The following PLXND1 variants were observed in gnomAD, a reference collection of about 807,000 sequenced individuals.
The protein encoded by PLXND1 is plexin D1.
Under a neutral mutation model 197.7 loss-of-function variants are expected in PLXND1, and 54 were observed. The ratio of observed to expected loss-of-function variants is 0.27; its 90% CI spans 0.22 to 0.34. The LOEUF (loss-of-function observed/expected upper bound fraction) is 0.34. Among genes scored for constraint, PLXND1 ranks in the 10% least tolerant of loss-of-function variants. PLXND1 has a pLI of 1.00. For synonymous variants in PLXND1, 1,180 were observed against 1,161.2 expected (o/e 1.02, Z -0.33); for missense variants, 2,127 against 2,699.2 (o/e 0.79, Z 4.70).
In PLXND1 at chr3:129,563,246, G is replaced by C. The variant is rs1483375156; in HGVS notation, c.4522-6C>G. ...AATGGCTCCCCCACCGTCTCCTGAG[G>C]GGCACGGGGGTATCAGGGCCAAGGC... On this transcript the variant is annotated splice_polypyrimidine_tract_variant and splice_region_variant and intron_variant, in intron 25 of 35. Transcript: ENST00000324093. The C allele has an allele frequency of 6.2e-7, 1 of 1,605,188 alleles. No homozygotes were observed. The highest frequency in any genetic ancestry group is 1.3e-5 in the African/African-American group (1 of 74,576).
chr3:129,565,600 T>C, intron 24 of PLXND1, 62 bp from the exon 25 acceptor site: 1 of 1,412,074 alleles, frequency 7.1e-7, no homozygotes, highest in East Asian at 2.4e-5. Flanking sequence ...GGTCCCAGGG[T>C]CTCAGTGCCG....
At chr3:129,569,763 C>A in intron 20 of PLXND1, 80 bp downstream of exon 20, 1 of 793,432 alleles carries the variant, frequency 1.3e-6, no homozygotes. Flanking sequence ...CCTGCCTTCT[C>A]CCATCTGCCA....
chr3:129,559,711 C>T lies in PLXND1; in HGVS notation c.5206G>A (p.Ala1736Thr). The T allele has an allele frequency of 6.2e-7, 1 of 1,613,206 alleles. No homozygotes were observed. The highest frequency in any genetic ancestry group is 1.1e-5 in the South Asian group (1 of 90,988). The part of the protein sequence containing the change: ...LSIREDKPPL[A>T]VKYFFDFLEE... ...AGGAAGTCGAAAAAGTACTTGACAG[C>T]CAGTGGGGGCTTGTCTTCACGGATA... Residue 1736 changes from alanine to threonine, a missense_variant, in exon 32 of 36, where the codon GCT becomes ACT. This residue lies in a region of PLXND1 where 200 missense variants were observed against 303.3 expected (regional missense o/e 0.66). Coordinates refer to ENST00000324093, the MANE Select transcript of PLXND1 (RefSeq NM_015103.3).
Position 129,571,100 on chromosome 3 carries a change from C to T in PLXND1, c.3540G>A (p.Thr1180=), listed in dbSNP as rs760997551. 9 of 1,614,064 alleles carry T rather than the reference C, an allele frequency of 5.6e-6. No homozygotes were observed. The highest frequency in any genetic ancestry group is 4.4e-5 in the South Asian group (4 of 91,084). Residue 1180 remains threonine (T), a synonymous_variant, in exon 18 of 36, where the codon ACG becomes ACA. Coordinates refer to ENST00000324093, the MANE Select transcript of PLXND1 (RefSeq NM_015103.3). ...LDYLPNPQFS[T]AKREKWIKHH... is the part of the protein sequence containing the mutation. Reference sequence around the variant, plus strand: ...GCTTGATCCACTTCTCCCTCTTGGCCGTAGAGAACTGTGGGTTGGGGAGGT... The same window carrying T: ...GCTTGATCCACTTCTCCCTCTTGGCTGTAGAGAACTGTGGGTTGGGGAGGT...
At position 129,571,268 on chromosome 3, in the gene PLXND1, G is replaced by A; in HGVS notation, c.3372C>T (p.Cys1124=). The change falls in exon 18 of 36, where the codon TGC becomes TGT. Residue 1124 remains cysteine, a synonymous_variant. Coordinates refer to ENST00000324093, the MANE Select transcript of PLXND1 (RefSeq NM_015103.3). ...CGTTGCTCAGGGCCCCGGGGGACGG[G>A]CAGGTGATGAGGGTGGAGTTGAGAA... ...CKVLNSTLIT[C]PSPGALSNAS... is the part of the protein sequence containing the mutation. 1 of 1,613,814 alleles carries A rather than the reference G, an allele frequency of 6.2e-7. No individual in the cohort carries two copies. Among genetic ancestry groups the A allele is most frequent in the Non-Finnish European group, 8.5e-7 (1 of 1,179,854 alleles).
intron 1 of PLXND1, among the ~76,000 whole-genome samples, chr3:129,595,121 A>G (rs1450204875): frequency 6.7e-6 from 1 of 149,284 alleles, no homozygotes; most frequent in African/African-American, 2.6e-5. Context: ...GCACGGGCTC[A>G]GTGGTGGCCT....
intron 1 of PLXND1, among the ~76,000 whole-genome samples, chr3:129,590,057 C>A (rs1398897151): frequency 6.6e-6 from 1 of 152,186 alleles, no homozygotes; most frequent in Admixed American, 6.5e-5. Context: ...TCTGCTCTGA[C>A]CCTAGGACCA....
intron 2 of PLXND1, 44 bp downstream of exon 2, chr3:129,589,307 G>GCCGGGCCCCCCC: frequency 1.3e-5 from 9 of 684,690 alleles, no homozygotes; most frequent in East Asian, 3.6e-5. Context: ...TCCCAGGGGA[G>GCCGGGCCCCCCC]CCTCCCACCC....
Position 129,589,401 on chromosome 3 carries a change from T to C in PLXND1, c.1438A>G (p.Asn480Asp). ...CCCAGGAAGACCGCTGTGTAGTTGT[T>C]GACGCTGGCCACGGCCACGGAGGTG... is the stretch of plus-strand genomic sequence containing the variant. ...GLTSVAVASV[N>D]NYTAVFLGTV... The change falls in exon 2 of 36, where the codon AAC becomes GAC. Residue 480 changes from asparagine (N) to aspartate (D), a missense_variant. Physicochemically the swap from Asn to Asp is conservative, Grantham distance 23. This residue lies in a region of PLXND1 where 1,095 missense variants were observed against 1,259.8 expected (regional missense o/e 0.87). Coordinates refer to ENST00000324093, the MANE Select transcript of PLXND1 (RefSeq NM_015103.3). 2 of 1,610,994 alleles carry C rather than the reference T, an allele frequency of 1.2e-6. No individual in the cohort carries two copies. The highest frequency in any genetic ancestry group is 1.7e-6 in the Non-Finnish European group (2 of 1,179,094).
At chr3:129,584,683 G>A (rs939021523) in intron 5 of PLXND1, 121 bp from the exon 6 acceptor site, 12 of 926,902 alleles carry the variant, frequency 1.3e-5, no homozygotes, top group Non-Finnish European at 1.9e-5. Flanking sequence ...AAGGGGTAGT[G>A]GTGGCCAGGA....
intron 27 of PLXND1, 54 bp downstream of exon 27, chr3:129,562,733 G>A (rs780760564): frequency 2.4e-5 from 36 of 1,529,976 alleles, no homozygotes; most frequent in Non-Finnish European, 3.0e-5. Context: ...CAAGGCAGGG[G>A]CCAGCCCCGG....
chr3:129,597,932 C>T (rs1166979118), intron 1 of PLXND1, among the ~76,000 whole-genome samples: 1 of 152,216 alleles, frequency 6.6e-6, no homozygotes, highest in African/African-American at 2.4e-5. Context: ...TCGGGAGTTA[C>T]CTGGTCCAGC....
At chr3:129,568,330 T>C (rs946863651) in intron 20 of PLXND1, among the ~76,000 whole-genome samples, 3 of 152,188 alleles carry the variant, frequency 2.0e-5, no homozygotes, top group African/African-American at 7.2e-5. Context: ...TATTAAAATA[T>C]CTATTAATAT....
At position 129,556,045 on chromosome 3, in the gene PLXND1, C is replaced by T. The variant is rs911302362; in HGVS notation, c.*267G>A. ...GCAAGTGGGTGGGCACAGTGCAGGCCGTGCTGGGCAGATGGGGGAGCCTGA... is the reference window on the plus strand; with the variant it reads ...GCAAGTGGGTGGGCACAGTGCAGGCTGTGCTGGGCAGATGGGGGAGCCTGA... On this transcript the variant is annotated 3_prime_UTR_variant, in exon 36 of 36. Transcript: ENST00000324093. 1.5e-5 allele frequency: 7 copies of T among 452,240 alleles called. No individual in the cohort carries two copies. Among genetic ancestry groups the T allele is most frequent in the Non-Finnish European group, 2.4e-5 (6 of 247,454 alleles). 28.0% of individuals were successfully genotyped at this position (452,240 alleles called of 1,614,324 possible). A position where few individuals can be genotyped will look rare whatever the true frequency, so the allele number is the denominator to read the frequency against.
chr3:129,593,222 G>C (rs1005084501), intron 1 of PLXND1, among the ~76,000 whole-genome samples: 2 of 151,996 alleles, frequency 1.3e-5, no homozygotes, highest in African/African-American at 2.4e-5. Context: ...CAAGGCCTTC[G>C]TGCCCCAGCT....
chr3:129,584,287 A>G, intron 6 of PLXND1, 54 bp from the exon 7 acceptor site: 1 of 1,589,900 alleles, frequency 6.3e-7, no homozygotes, highest in South Asian at 1.1e-5. Flanking sequence ...ATTGCCACCA[A>G]CATCAGAAGC....
At chr3:129,596,574 G>A (rs567344159) in intron 1 of PLXND1, among the ~76,000 whole-genome samples, 4 of 152,254 alleles carry the variant, frequency 2.6e-5, no homozygotes, top group African/African-American at 9.6e-5. Flanking sequence ...GGCAGAGCAC[G>A]AAGCCAGTCT....
At chr3:129,574,258 G>C (rs2085278167) in intron 12 of PLXND1, 78 bp downstream of exon 12, 1 of 1,369,120 alleles carries the variant, frequency 7.3e-7, no homozygotes, top group Admixed American at 2.6e-5. Flanking sequence ...GGGTCCCCAA[G>C]AAGTGGGACC....
At position 129,569,844 on chromosome 3, in the gene PLXND1, C is replaced by G; in HGVS notation, c.3864G>C (p.Val1288=). The change falls in exon 20 of 36, where the codon GTG becomes GTC. Residue 1288 remains valine (V), a splice_region_variant and synonymous_variant. Coordinates refer to ENST00000324093, the MANE Select transcript of PLXND1 (RefSeq NM_015103.3). ...TGTCCTGAGGGTGGGGCTCCTTACC[C>G]ACCACGGAGAGCAGCAGCAGGACGC... is the stretch of plus-strand genomic sequence containing the variant. ...ICSVLLLLSV[V]ALFVFCTKSR... 1.3e-6 allele frequency: 2 copies of G among 1,577,144 alleles called. No individual in the cohort carries two copies. Among genetic ancestry groups the G allele is most frequent in the Non-Finnish European group, 1.7e-6 (2 of 1,146,480 alleles).
Sources: gnomAD v4.1 joint callset for allele counts (sites outside exome capture counted in the v4.1 genomes callset) on GRCh38, gnomAD v4.1.1 for gene constraint, gnomAD v4.1.1 regional missense constraint, MANE v1.5 for transcripts, NCBI Gene and HGNC (gene_info 2026-07-23, HGNC 2026-07-21) for gene names.